The following NRXN1 variants were observed in gnomAD, a reference collection of about 807,000 sequenced individuals.
NRXN1 encodes neurexin-1.
Under a neutral mutation model 150.9 loss-of-function variants are expected in NRXN1, and 39 were observed. That is an observed-to-expected ratio of 0.26 (90% CI 0.20 to 0.34). NRXN1 has a LOEUF of 0.34. Among genes scored for constraint, NRXN1 ranks in the 10% least tolerant of loss-of-function variants. The pLI, the probability that NRXN1 is intolerant of heterozygous loss-of-function variation, is 1.00. For synonymous variants in NRXN1, 924 were observed against 757.0 expected, an observed-to-expected ratio of 1.22 and a Z score of -3.62; for missense variants, 1,815 against 1,949.9, an observed-to-expected ratio of 0.93 and a Z score of 1.30.
At chr2:50,666,893 G>T (rs1282745754) in intron 5 of NRXN1, among the ~76,000 whole-genome samples, 4 of 151,530 alleles carry the variant, frequency 2.6e-5, no homozygotes, top group Non-Finnish European at 5.9e-5. Flanking sequence ...GTGTGTGTGT[G>T]TGTGTGTGTG....
intron 5 of NRXN1, among the ~76,000 whole-genome samples, chr2:50,694,623 T>C (rs1395115436): frequency 2.0e-5 from 3 of 152,138 alleles, no homozygotes; most frequent in Non-Finnish European, 2.9e-5. Context: ...ATCATATCCT[T>C]TGGTTAAATT....
intron 5 of NRXN1, among the ~76,000 whole-genome samples, chr2:50,704,954 C>T (rs770949268): frequency 6.6e-6 from 1 of 151,720 alleles, no homozygotes; most frequent in Admixed American, 6.6e-5. Context: ...GATAAATAAA[C>T]TGATCTTTCA....
intron 5 of NRXN1, among the ~76,000 whole-genome samples, chr2:50,650,641 T>C (rs1316156783): frequency 6.6e-6 from 1 of 152,036 alleles, no homozygotes; most frequent in Non-Finnish European, 1.5e-5. Flanking sequence ...CTTTTCCAAA[T>C]GCCAGACAAT....
chr2:50,207,125 T>C (rs1453291610), intron 18 of NRXN1, among the ~76,000 whole-genome samples: 1 of 152,104 alleles, frequency 6.6e-6, no homozygotes, highest in Non-Finnish European at 1.5e-5. Flanking sequence ...CGATGGGGTA[T>C]AAACAAGATT....
intron 17 of NRXN1, among the ~76,000 whole-genome samples, chr2:50,430,885 C>T (rs1322714494): frequency 6.6e-6 from 1 of 152,166 alleles, no homozygotes; most frequent in African/African-American, 2.4e-5. Context: ...ATTGCCTCCA[C>T]ATTCAACATT....
intron 17 of NRXN1, among the ~76,000 whole-genome samples, chr2:50,240,845 T>C (rs2065936920): frequency 6.6e-6 from 1 of 151,750 alleles, no homozygotes; most frequent in Admixed American, 6.6e-5. Context: ...AAATGCCTAA[T>C]AAATTTTAGA....
intron 17 of NRXN1, among the ~76,000 whole-genome samples, chr2:50,443,944 C>T (rs2086184165): frequency 6.6e-6 from 1 of 151,916 alleles, no homozygotes; most frequent in South Asian, 2.1e-4. Context: ...CAAAAATGTA[C>T]CTGGGGCATA....
At chr2:50,556,460 C>A (rs1166791470) in intron 8 of NRXN1, among the ~76,000 whole-genome samples, 1 of 150,070 alleles carries the variant, frequency 6.7e-6, no homozygotes, top group East Asian at 1.9e-4. Flanking sequence ...TGTGCACACT[C>A]ATTTGGATCT....
chr2:50,148,591 AG>A (rs1346115025), intron 18 of NRXN1, among the ~76,000 whole-genome samples: 3 of 151,646 alleles, frequency 2.0e-5, no homozygotes, highest in East Asian at 3.9e-4. Context: ...GCTTATCCAG[AG>A]GGCCAATCAG....
chr2:50,502,131 A>G (rs2091978372), intron 13 of NRXN1, among the ~76,000 whole-genome samples: 1 of 152,160 alleles, frequency 6.6e-6, no homozygotes, highest in Admixed American at 6.5e-5. Flanking sequence ...TACGTAAATC[A>G]AGACTGAATT....
chr2:50,041,577 C>G (rs534192946), intron 21 of NRXN1, among the ~76,000 whole-genome samples: 1 of 152,294 alleles, frequency 6.6e-6, no homozygotes, highest in South Asian at 2.1e-4. Flanking sequence ...TTGAAATGGG[C>G]AAGCTACTTG....
chr2:49,967,592 C>A (rs1412204188), intron 21 of NRXN1, among the ~76,000 whole-genome samples: 1 of 152,080 alleles, frequency 6.6e-6, no homozygotes, highest in East Asian at 1.9e-4. Context: ...ATATACTTTT[C>A]TACTTAATCT....
intron 17 of NRXN1, among the ~76,000 whole-genome samples, chr2:50,356,950 A>G (rs913041203): frequency 5.9e-5 from 9 of 152,090 alleles, no homozygotes; most frequent in African/African-American, 1.9e-4. Context: ...TTTTTAATCA[A>G]ATAGAAGAAA....
At chr2:50,072,177 T>TC (rs1400045230) in intron 19 of NRXN1, among the ~76,000 whole-genome samples, 1 of 152,212 alleles carries the variant, frequency 6.6e-6, no homozygotes, top group Non-Finnish European at 1.5e-5. Flanking sequence ...ACCATTTTCT[T>TC]CACTTTGTGG....
chr2:50,713,657 C>T (rs1197122281), intron 5 of NRXN1, among the ~76,000 whole-genome samples: 2 of 152,026 alleles, frequency 1.3e-5, no homozygotes, highest in Non-Finnish European at 2.9e-5. Context: ...GGTTGGGGAG[C>T]ATGTGTATGT....
intron 19 of NRXN1, among the ~76,000 whole-genome samples, chr2:50,061,038 G>A (rs536570012): frequency 9.9e-5 from 15 of 152,164 alleles, no homozygotes; most frequent in South Asian, 4.2e-4. Context: ...GTTCTCCAGC[G>A]ACTAGGCCTA....
intron 21 of NRXN1, among the ~76,000 whole-genome samples, chr2:50,006,285 T>C (rs1418696666): frequency 6.6e-6 from 1 of 152,162 alleles, no homozygotes; most frequent in Non-Finnish European, 1.5e-5. Context: ...CTTGCTTCCT[T>C]AGCTATTGCT....
At chr2:50,680,705 C>T (rs1434158605) in intron 5 of NRXN1, among the ~76,000 whole-genome samples, 4 of 151,766 alleles carry the variant, frequency 2.6e-5, no homozygotes, top group Non-Finnish European at 5.9e-5. Context: ...CAATGGTTTG[C>T]CACAAGTAAA....
chr2:50,801,107 G>C (rs1160575936), intron 5 of NRXN1, among the ~76,000 whole-genome samples: 1 of 151,872 alleles, frequency 6.6e-6, no homozygotes, highest in Non-Finnish European at 1.5e-5. Context: ...TTTAAAATTA[G>C]CATTATCAAT....
Sources: gnomAD v4.1 joint callset for allele counts (sites outside exome capture counted in the v4.1 genomes callset) on GRCh38, gnomAD v4.1.1 for gene constraint, MANE v1.5 for transcripts, NCBI Gene and HGNC (gene_info 2026-07-23, HGNC 2026-07-21) for gene names.